TMPRSS11B: variants seen among roughly 807,000 people sequenced by gnomAD.
TMPRSS11B encodes the protein transmembrane serine protease 11B.
Under a neutral mutation model 44.7 loss-of-function variants are expected in TMPRSS11B, and 53 were observed. That is an observed-to-expected ratio of 1.19 (90% CI 0.95 to 1.49). The LOEUF (loss-of-function observed/expected upper bound fraction) is 1.49, where lower values mean the gene tolerates loss of function less well. Ranked by LOEUF, TMPRSS11B falls within the 40% of genes most tolerant of loss-of-function variation. The pLI is 0.00. For synonymous variants in TMPRSS11B, 140 were observed against 159.2 expected (o/e 0.88, Z 0.91); for missense variants, 526 against 494.8 (o/e 1.06, Z -0.60).
chr4:68,238,425 C>A (rs1719732239), intron 2 of TMPRSS11B, among the ~76,000 whole-genome samples: 1 of 151,896 alleles, frequency 6.6e-6, no homozygotes, highest in Non-Finnish European at 1.5e-5. Context: ...CTTTATTAAT[C>A]ACAAAAACTA....
At chr4:68,233,468 A>G (rs976154678) in intron 5 of TMPRSS11B, among the ~76,000 whole-genome samples, 1 of 152,124 alleles carries the variant, frequency 6.6e-6, no homozygotes, top group East Asian at 1.9e-4. Context: ...CACAATCTTT[A>G]CAAACTTCAC....
At chr4:68,238,975 C>T (rs1029601112) in intron 2 of TMPRSS11B, among the ~76,000 whole-genome samples, 9 of 152,084 alleles carry the variant, frequency 5.9e-5, no homozygotes, top group African/African-American at 1.9e-4. Context: ...TTCTGAGAAA[C>T]CATTATGTTT....
chr4:68,228,464 A>T lies in TMPRSS11B; in HGVS notation c.1089+278T>A, dbSNP rs370931940. Among the ~76,000 whole-genome samples the T allele has an allele frequency of 1.5e-4, 23 of 152,332 alleles. No individual in the cohort carries two copies. In the South Asian group the frequency reaches 2.5e-3, roughly 16 times the overall value. On this transcript the variant is annotated intron_variant, in intron 9 of 9. Transcript: ENST00000332644. ...AACATTCTAGGTCTGCAGGTTGCCC[A>T]GAAAATAGGACAAAATTCATCTTGT...
chr4:68,245,600 AATG>A lies in TMPRSS11B; in HGVS notation c.-45_-43del, dbSNP rs1378932696. 1.2e-6 allele frequency: 2 copies of A among 1,608,528 alleles called. No homozygotes were observed. Among genetic ancestry groups the A allele is most frequent in the Non-Finnish European group, 8.5e-7 (1 of 1,175,598 alleles). The stretch of plus-strand genomic sequence containing the variant: ...TGGCAGTATCAGGTATAACGGTGGT[AATG>A]ATGATGACGAAGATAACGATAACGA... On this transcript the variant is annotated 5_prime_UTR_variant, in exon 1 of 10. Coordinates refer to ENST00000332644, the MANE Select transcript of TMPRSS11B (RefSeq NM_182502.3).
At position 68,227,916 on chromosome 4, in the gene TMPRSS11B, G is replaced by A. The variant is rs1352247310; in HGVS notation, c.1246C>T (p.Leu416Phe). Residue 416 changes from leucine to phenylalanine, a missense_variant, in exon 10 of 10, where the codon CTC becomes TTC. Coordinates refer to ENST00000332644, the MANE Select transcript of TMPRSS11B (RefSeq NM_182502.3). ...TTTGTATAATTCCTTTTTTTTCAGA[G>A]TCCAGTCTTGGATGTAATCCAATTG... ...YRNWITSKTGL is the reference protein window; with the variant it reads ...YRNWITSKTGF 2.5e-6 allele frequency: 4 copies of A among 1,600,992 alleles called. No individual in the cohort carries two copies. The highest frequency in any genetic ancestry group is 3.5e-5 in the Admixed American group (2 of 56,800).
chr4:68,239,272 G>GCT lies in TMPRSS11B; in HGVS notation c.124+2415_124+2416dup, dbSNP rs201289083. ...CTTGCGCGCTCTCTCTCGCGCGCGC[G>GCT]CTCTCTCTCTCGCACTCTATCTCTC... On this transcript the variant is annotated intron_variant, in intron 2 of 9. Transcript: ENST00000332644. Among the ~76,000 whole-genome samples the GCT allele has an allele frequency of 2.2e-3, 313 of 145,362 alleles. 1 individual carries two copies. The highest frequency in any genetic ancestry group is 8.3e-3 in the African/African-American group (299 of 35,826).
chr4:68,227,658 C>T lies in TMPRSS11B; in HGVS notation c.*253G>A, dbSNP rs964541665. 6 of 166,760 alleles carry T rather than the reference C, an allele frequency of 3.6e-5. No homozygotes were observed. Among genetic ancestry groups the T allele is most frequent in the Non-Finnish European group, 5.1e-5 (4 of 78,996 alleles). 10.3% of individuals were successfully genotyped at this position (166,760 alleles called of 1,614,324 possible). On this transcript the variant is annotated 3_prime_UTR_variant, in exon 10 of 10. Transcript: ENST00000332644. ...CTGGGCTCAAGCAATCCGCCTATCTCGGCCTCTCAAAGTGCTAGGATTACA... is the reference window on the plus strand; with the variant it reads ...CTGGGCTCAAGCAATCCGCCTATCTTGGCCTCTCAAAGTGCTAGGATTACA...
chr4:68,234,351 G>T, intron 5 of TMPRSS11B, 112 bp downstream of exon 5: 1 of 1,048,446 alleles, frequency 9.5e-7, no homozygotes, highest in South Asian at 1.6e-5. Context: ...AGTTAGGTAC[G>T]CATATTTTTT....
chr4:68,242,497 T>C (rs1719888974), intron 1 of TMPRSS11B, among the ~76,000 whole-genome samples: 1 of 142,672 alleles, frequency 7.0e-6, no homozygotes, highest in South Asian at 2.1e-4. Context: ...AATCTCTATG[T>C]AATAAAATTA....
Position 68,241,812 on chromosome 4 carries a change from A to G in TMPRSS11B, c.9-8T>C, listed in dbSNP as rs1289325604. 3 of 1,596,208 alleles carry G rather than the reference A, an allele frequency of 1.9e-6. No homozygotes were observed. The Admixed American group carries it at 5.0e-5, about 27-fold the overall frequency. On this transcript the variant is annotated splice_polypyrimidine_tract_variant and splice_region_variant and intron_variant, in intron 1 of 9. Coordinates refer to ENST00000332644, the MANE Select transcript of TMPRSS11B (RefSeq NM_182502.3). ...TGGGAAGATATGCCGTGCCTATGAA[A>G]GAGGAAAATTTTGGTTCAAATCAGA...
intron 7 of TMPRSS11B, 121 bp downstream of exon 7, chr4:68,231,082 C>T (rs867499304): frequency 3.8e-6 from 3 of 797,464 alleles, no homozygotes; most frequent in Middle Eastern, 3.9e-4. Flanking sequence ...TGTAAATGTT[C>T]TATGTGATTG....
At chr4:68,228,674 T>G in intron 9 of TMPRSS11B, 68 bp downstream of exon 9, 4 of 1,525,676 alleles carry the variant, frequency 2.6e-6, no homozygotes, top group South Asian at 1.3e-5. Flanking sequence ...CAAAAAAAAT[T>G]TTATGTGGAT....
At chr4:68,230,897 A>G (rs551692577) in intron 7 of TMPRSS11B, among the ~76,000 whole-genome samples, 30 of 152,200 alleles carry the variant, frequency 2.0e-4, no homozygotes, top group African/African-American at 6.5e-4. Flanking sequence ...GGTTTTAACT[A>G]TACCTTCCAT....
At position 68,229,284 on chromosome 4, in the gene TMPRSS11B, T is replaced by C. The variant is rs138529729; in HGVS notation, c.919A>G (p.Thr307Ala). 2.1e-3 allele frequency: 3,359 copies of C among 1,610,640 alleles called. 5 individuals carry two copies. The highest frequency in any genetic ancestry group is 2.5e-3 in the Non-Finnish European group (2,957 of 1,178,112). The change falls in exon 8 of 10, where the codon ACA (threonine) becomes GCA (alanine). Residue 307 changes from threonine (T) to alanine (A), a missense_variant. Transcript: ENST00000332644. ...TTCATATAAAGTGTTCCCCAACCTG[T>C]AACTACAACATTGTCATTTTCTGAG... is the stretch of plus-strand genomic sequence containing the variant. ...KLSENDNVVV[T>A]GWGTLYMNGS...
At chr4:68,238,028 A>G (rs1464211209) in intron 2 of TMPRSS11B, among the ~76,000 whole-genome samples, 5 of 152,130 alleles carry the variant, frequency 3.3e-5, no homozygotes, top group Admixed American at 1.3e-4. Flanking sequence ...AAAAAAAATA[A>G]AATAAAAAGA....
chr4:68,245,583 T>C lies in TMPRSS11B; in HGVS notation c.-25A>G, dbSNP rs1302419433. ...TAATGTTCTGATTGTTATGGCAGTA[T>C]CAGGTATAACGGTGGTAATGATGAT... On this transcript the variant is annotated 5_prime_UTR_variant, in exon 1 of 10. Coordinates refer to ENST00000332644, the MANE Select transcript of TMPRSS11B (RefSeq NM_182502.3). 3 of 1,612,776 alleles carry C rather than the reference T, an allele frequency of 1.9e-6. No homozygotes were observed. The African/African-American group carries it at 4.0e-5, about 22-fold the overall frequency.
intron 5 of TMPRSS11B, among the ~76,000 whole-genome samples, chr4:68,233,108 G>A (rs1206788581): frequency 1.3e-5 from 2 of 151,914 alleles, no homozygotes; most frequent in African/African-American, 4.8e-5. Flanking sequence ...AGAAGAGGAG[G>A]AAACTAAAGA....
chr4:68,234,729 A>T, intron 4 of TMPRSS11B, 106 bp from the exon 5 acceptor site: 1 of 1,208,840 alleles, frequency 8.3e-7, no homozygotes, highest in Non-Finnish European at 1.1e-6. Context: ...CTTTACATAT[A>T]TTAAAGAAAA....
chr4:68,227,990 C>T lies in TMPRSS11B; in HGVS notation c.1172G>A (p.Cys391Tyr). 1 of 1,613,966 alleles carries T rather than the reference C, an allele frequency of 6.2e-7. No individual in the cohort carries two copies. Among genetic ancestry groups the T allele is most frequent in the Non-Finnish European group, 8.5e-7 (1 of 1,179,972 alleles). Residue 391 changes from cysteine to tyrosine, a missense_variant, in exon 10 of 10, where the codon TGT becomes TAT. Physicochemically the swap from Cys to Tyr is radical, Grantham distance 194. Coordinates refer to ENST00000332644, the MANE Select transcript of TMPRSS11B (RefSeq NM_182502.3). ...LVGIVSWGDG[C>Y]GKKNKPGVYT... ...GACACCTGGCTTATTCTTTTTACCA[C>T]ATCCATCACCCCAGCTTACTATTCC...
Sources: allele counts gnomAD v4.1 joint callset (sites outside exome capture counted in the v4.1 genomes callset), GRCh38; gene constraint gnomAD v4.1.1; transcripts MANE v1.5; gene names NCBI Gene and HGNC (gene_info 2026-07-23, HGNC 2026-07-21).